Variants in GTF2IRD1 observed in about 807,000 individuals in gnomAD.
The protein encoded by GTF2IRD1 is GTF2I repeat domain containing 1.
Under a neutral mutation model 113.2 loss-of-function variants are expected in GTF2IRD1, and 26 were observed. The observed-to-expected ratio is 0.23, with a 90% CI of 0.17 to 0.32. The LOEUF (loss-of-function observed/expected upper bound fraction) is 0.32. GTF2IRD1 is among the 10% of genes least tolerant of loss of function. GTF2IRD1 has a pLI of 1.00. For synonymous variants in GTF2IRD1, 484 were observed against 529.1 expected (o/e 0.91, Z 1.17); for missense variants, 864 against 1,280.8 (o/e 0.67, Z 4.97).
chr7:74,575,022 G>A (rs1800945990), intron 22 of GTF2IRD1, among the ~76,000 whole-genome samples: 1 of 152,076 alleles, frequency 6.6e-6, no homozygotes, highest in Non-Finnish European at 1.5e-5. Context: ...CCCGGGAGGT[G>A]GAAGTTGCAG....
intron 22 of GTF2IRD1, among the ~76,000 whole-genome samples, chr7:74,580,608 T>C (rs1801358658): frequency 1.3e-5 from 2 of 151,990 alleles, no homozygotes; most frequent in Non-Finnish European, 2.9e-5. Flanking sequence ...CAGTTACTCC[T>C]TGGGCTAACA....
intron 1 of GTF2IRD1, among the ~76,000 whole-genome samples, chr7:74,458,139 G>A (rs1358379851): frequency 6.6e-6 from 1 of 152,078 alleles, no homozygotes; most frequent in Non-Finnish European, 1.5e-5. Context: ...CCAAAGTGCT[G>A]GGATTGCAGG....
At chr7:74,463,426 G>T (rs1793506079) in intron 1 of GTF2IRD1, among the ~76,000 whole-genome samples, 1 of 152,044 alleles carries the variant, frequency 6.6e-6, no homozygotes, top group Non-Finnish European at 1.5e-5. Flanking sequence ...TAGAGATGGG[G>T]GTCTCGCCAT....
intron 3 of GTF2IRD1, among the ~76,000 whole-genome samples, chr7:74,514,562 C>T (rs759439997): frequency 1.5e-4 from 23 of 152,168 alleles, no homozygotes; most frequent in Non-Finnish European, 3.1e-4. Context: ...CTCCTCTCAT[C>T]TCCTTTCCAA....
In GTF2IRD1 at chr7:74,502,873, T is replaced by C. The variant is rs1447840018; in HGVS notation, c.-6-5202T>C. Among the ~76,000 whole-genome samples the C allele has an allele frequency of 2.0e-5, 3 of 152,130 alleles. No homozygotes were observed. The East Asian group carries it at 5.8e-4, about 29-fold the overall frequency. ...TAAGAGTCCCCTGTGAACTTAAAAA[T>C]ACAGTGTCCAGGGCTGGGCGCGGTG... On this transcript the variant is annotated intron_variant, in intron 1 of 26. Transcript: ENST00000424337.
chr7:74,471,702 C>CCA (rs146922169), intron 1 of GTF2IRD1, among the ~76,000 whole-genome samples: 12 of 21,336 alleles, frequency 5.6e-4, no homozygotes, highest in Admixed American at 2.8e-3. Context: ...AAAAAAAAAA[C>CCA]AAAAAAAACG....
intron 22 of GTF2IRD1, among the ~76,000 whole-genome samples, chr7:74,579,811 G>C (rs1801305078): frequency 6.6e-6 from 1 of 151,924 alleles, no homozygotes. Flanking sequence ...TTTAAATCAT[G>C]AGTTTTTGAA....
At chr7:74,454,821 G>T (rs1230976035) in intron 1 of GTF2IRD1, among the ~76,000 whole-genome samples, 1 of 152,192 alleles carries the variant, frequency 6.6e-6, no homozygotes, top group Non-Finnish European at 1.5e-5. Flanking sequence ...GTAAGTTGGG[G>T]ATACTCGGTC....
At chr7:74,535,446 T>C (rs587649169) in intron 10 of GTF2IRD1, among the ~76,000 whole-genome samples, 8 of 152,324 alleles carry the variant, frequency 5.3e-5, no homozygotes, top group Admixed American at 2.0e-4. Context: ...CAGCATATTT[T>C]ATTTTAATCT....
rs376122489 is a variant in GTF2IRD1, at chr7:74,510,634, G to A, written c.124-2196G>A. Among the ~76,000 whole-genome samples, 30 of 152,100 alleles carry A rather than the reference G, an allele frequency of 2.0e-4. No individual in the cohort carries two copies. In the East Asian group the frequency reaches 4.3e-3, roughly 22 times the overall value. Reference sequence around the variant, plus strand: ...CATTTAAATTCGAATTCGTTAAAACGAAATAAACAACTCAGTTGTTCAGTT... The same window carrying A: ...CATTTAAATTCGAATTCGTTAAAACAAAATAAACAACTCAGTTGTTCAGTT... On this transcript the variant is annotated intron_variant, in intron 2 of 26. Transcript: ENST00000424337.
intron 1 of GTF2IRD1, among the ~76,000 whole-genome samples, chr7:74,462,747 C>T (rs541087410): frequency 3.3e-4 from 50 of 152,308 alleles, no homozygotes; most frequent in African/African-American, 1.0e-3. Context: ...GACCCCAAGC[C>T]GGGGGAGCTG....
Position 74,501,447 on chromosome 7 carries a change from G to T in GTF2IRD1, c.-6-6628G>T, listed in dbSNP as rs190538824. 1.1e-4 allele frequency among the ~76,000 whole-genome samples: 17 copies of T among 152,292 alleles called. No individual in the cohort carries two copies. In the East Asian group the frequency reaches 3.1e-3, roughly 28 times the overall value. ...GGGAAACAGCCCTGTGACTCCTTCC[G>T]TCTCTTCCCTCCGGAGGGGGCGGTC... On this transcript the variant is annotated intron_variant, in intron 1 of 26. Coordinates refer to ENST00000424337, the MANE Select transcript of GTF2IRD1 (RefSeq NM_005685.4).
At chr7:74,537,712 A>G (rs1200076767) in intron 11 of GTF2IRD1, among the ~76,000 whole-genome samples, 1 of 152,040 alleles carries the variant, frequency 6.6e-6, no homozygotes, top group Non-Finnish European at 1.5e-5. Flanking sequence ...TAACCAAATC[A>G]TCTGTCCCAG....
At chr7:74,582,987 A>AC (rs1801505114) in intron 22 of GTF2IRD1, among the ~76,000 whole-genome samples, 1 of 152,046 alleles carries the variant, frequency 6.6e-6, no homozygotes, top group South Asian at 2.1e-4. Flanking sequence ...ACCAAAAAAA[A>AC]AAAACCACGT....
intron 1 of GTF2IRD1, among the ~76,000 whole-genome samples, chr7:74,503,551 C>T (rs189381680): frequency 2.2e-4 from 33 of 152,254 alleles, no homozygotes; most frequent in South Asian, 6.2e-4. Flanking sequence ...GAGTTCGAGA[C>T]CAGTCTGGCC....
intron 1 of GTF2IRD1, among the ~76,000 whole-genome samples, chr7:74,454,967 T>G (rs1211778255): frequency 5.9e-5 from 9 of 152,144 alleles, no homozygotes; most frequent in Non-Finnish European, 1.3e-4. Context: ...TCCTCACCCC[T>G]GGCCAGCAGC....
intron 14 of GTF2IRD1, among the ~76,000 whole-genome samples, chr7:74,541,260 G>A (rs1798621240): frequency 6.6e-6 from 1 of 151,932 alleles, no homozygotes; most frequent in Non-Finnish European, 1.5e-5. Context: ...GGAGGCCAAG[G>A]CGAGGGTACT....
At chr7:74,465,869 A>G (rs1462933549) in intron 1 of GTF2IRD1, among the ~76,000 whole-genome samples, 2 of 152,104 alleles carry the variant, frequency 1.3e-5, no homozygotes, top group Non-Finnish European at 2.9e-5. Flanking sequence ...TCCTGGGTTC[A>G]AGTGAGTCTC....
intron 16 of GTF2IRD1, 139 bp downstream of exon 16, chr7:74,545,948 G>A (rs1798901144): frequency 4.3e-6 from 3 of 693,336 alleles, no homozygotes; most frequent in Non-Finnish European, 8.0e-6. Context: ...AGAGAGGGAA[G>A]GGAGGAGCTG....
Sources: allele counts gnomAD v4.1 joint callset (sites outside exome capture counted in the v4.1 genomes callset), GRCh38; gene constraint gnomAD v4.1.1; transcripts MANE v1.5; gene names NCBI Gene and HGNC (gene_info 2026-07-23, HGNC 2026-07-21).